Variants in PCSK5 observed in about 807,000 individuals in gnomAD.
PCSK5 encodes the protein proprotein convertase subtilisin/kexin type 5.
A neutral mutation model predicts 233.2 loss-of-function variants in PCSK5; 129 were observed. The observed-to-expected ratio is 0.55, with a 90% CI of 0.48 to 0.64. The LOEUF is 0.64. Among genes scored for constraint, PCSK5 ranks in the 30% least tolerant of loss-of-function variants. PCSK5 has a pLI of 0.00. For missense variants in PCSK5, 2,076 were observed against 2,430.1 expected (o/e 0.85, Z 3.06); for synonymous variants, 825 against 879.2 (o/e 0.94, Z 1.09).
At position 75,891,029 on chromosome 9, in the gene PCSK5, C is replaced by T; in HGVS notation, c.-153C>T. 1.9e-6 allele frequency: 1 copy of T among 535,056 alleles called. No individual in the cohort carries two copies. Among genetic ancestry groups the T allele is most frequent in the Non-Finnish European group, 3.0e-6 (1 of 335,810 alleles). 33.1% of individuals were successfully genotyped at this position (535,056 alleles called of 1,614,324 possible). On this transcript the variant is annotated 5_prime_UTR_variant, in exon 1 of 38. Coordinates refer to ENST00000674117, the MANE Select transcript of PCSK5 (RefSeq NM_001372043.1). ...TAAGGCTCGCTGCTCTGCTCCCTGCCGGGGCTAGCCGCCTCCTGCCGATCG... is the reference window on the plus strand; with the variant it reads ...TAAGGCTCGCTGCTCTGCTCCCTGCTGGGGCTAGCCGCCTCCTGCCGATCG...
chr9:76,307,841 A>AC (rs1828748349), intron 28 of PCSK5, among the ~76,000 whole-genome samples: 1 of 152,142 alleles, frequency 6.6e-6, no homozygotes, highest in African/African-American at 2.4e-5. Flanking sequence ...AGAAAAAAAA[A>AC]AGAAAAGAAG....
intron 3 of PCSK5, among the ~76,000 whole-genome samples, chr9:76,003,799 ATC>A (rs1182611088): frequency 2.0e-5 from 3 of 147,294 alleles, no homozygotes; most frequent in African/African-American, 2.5e-5. Context: ...TATTTATTCC[ATC>A]TCTCTCTCTT....
chr9:76,036,617 A>G (rs1828869931), intron 5 of PCSK5, among the ~76,000 whole-genome samples: 1 of 152,210 alleles, frequency 6.6e-6, no homozygotes, highest in Non-Finnish European at 1.5e-5. Context: ...ACTCTATTTG[A>G]GTGCAATGTA....
At chr9:75,999,125 T>C (rs1416126769) in intron 3 of PCSK5, among the ~76,000 whole-genome samples, 1 of 152,132 alleles carries the variant, frequency 6.6e-6, no homozygotes, top group Admixed American at 6.5e-5. Context: ...GTTTGTTACA[T>C]AGGTATACAT....
intron 7 of PCSK5, among the ~76,000 whole-genome samples, chr9:76,074,555 G>A (rs548602753): frequency 1.3e-5 from 2 of 152,256 alleles, no homozygotes; most frequent in South Asian, 2.1e-4. Context: ...CAAGAAGATC[G>A]TGTTTTCATG....
chr9:76,320,523 CAGTGG>C (rs76850841), intron 30 of PCSK5, among the ~76,000 whole-genome samples: 47,154 of 128,296 alleles, frequency 0.37, 8,626 homozygotes, highest in Middle Eastern at 0.46. Flanking sequence ...GGCTGGAGTG[CAGTGG>C]AGTGGCACAA....
At chr9:76,094,952 G>A (rs995613774) in intron 7 of PCSK5, among the ~76,000 whole-genome samples, 1 of 152,178 alleles carries the variant, frequency 6.6e-6, no homozygotes, top group African/African-American at 2.4e-5. Flanking sequence ...GCTTTGGCAT[G>A]AAGAATGTGA....
At chr9:75,962,870 C>T (rs373309582) in intron 2 of PCSK5, among the ~76,000 whole-genome samples, 22 of 152,312 alleles carry the variant, frequency 1.4e-4, no homozygotes, top group African/African-American at 5.3e-4. Flanking sequence ...GAGCTGGTCC[C>T]CTCTTGCTTC....
chr9:76,336,368 C>G (rs569278941), intron 34 of PCSK5, among the ~76,000 whole-genome samples: 1 of 152,148 alleles, frequency 6.6e-6, no homozygotes, highest in South Asian at 2.1e-4. Context: ...CAAAGATGAA[C>G]CTTTAGGTTT....
chr9:76,300,937 C>T (rs559913801), intron 27 of PCSK5, among the ~76,000 whole-genome samples: 93 of 152,270 alleles, frequency 6.1e-4, no homozygotes, highest in African/African-American at 2.2e-3. Flanking sequence ...ACTTGAAACA[C>T]CAGTTTGCTT....
chr9:76,326,097 G>A (rs528132592), intron 32 of PCSK5, among the ~76,000 whole-genome samples: 30 of 152,138 alleles, frequency 2.0e-4, no homozygotes, highest in African/African-American at 3.6e-4. Context: ...AATCTCAGCC[G>A]GACACGGTGG....
intron 9 of PCSK5, among the ~76,000 whole-genome samples, chr9:76,115,548 G>C (rs1372265288): frequency 6.6e-6 from 1 of 152,022 alleles, no homozygotes; most frequent in Non-Finnish European, 1.5e-5. Context: ...AGTCTCTTGA[G>C]GGTTTGTGGA....
chr9:75,926,790 C>A (rs564089094), intron 1 of PCSK5, among the ~76,000 whole-genome samples: 1 of 151,944 alleles, frequency 6.6e-6, no homozygotes, highest in Non-Finnish European at 1.5e-5. Flanking sequence ...TATTATATGC[C>A]GTATGATCTT....
intron 37 of PCSK5, among the ~76,000 whole-genome samples, chr9:76,357,778 G>A (rs1272102807): frequency 6.6e-6 from 1 of 152,144 alleles, no homozygotes; most frequent in African/African-American, 2.4e-5. Context: ...ATGGACTTTA[G>A]TTTCCTCAAA....
chr9:76,061,469 A>C (rs1041218445), intron 5 of PCSK5, among the ~76,000 whole-genome samples: 1 of 152,200 alleles, frequency 6.6e-6, no homozygotes, highest in Non-Finnish European at 1.5e-5. Flanking sequence ...CTTGTGGTTC[A>C]GTAGCACTGG....
At chr9:76,251,228 C>G (rs1229525520) in intron 24 of PCSK5, among the ~76,000 whole-genome samples, 1 of 152,058 alleles carries the variant, frequency 6.6e-6, no homozygotes, top group Admixed American at 6.6e-5. Flanking sequence ...GATCACGCCA[C>G]TGCACTCTAG....
At chr9:75,946,956 T>C (rs1000790178) in intron 2 of PCSK5, among the ~76,000 whole-genome samples, 3 of 152,234 alleles carry the variant, frequency 2.0e-5, no homozygotes, top group Non-Finnish European at 4.4e-5. Context: ...AAGGCTAATT[T>C]TGCAGATGGA....
intron 20 of PCSK5, chr9:76,194,754 G>A: frequency 2.1e-6 from 1 of 467,004 alleles, no homozygotes; most frequent in Non-Finnish European, 4.4e-6. Context: ...CTCTGTTTAG[G>A]GGAGCCTAGA....
chr9:76,014,929 T>C (rs1827884026), intron 3 of PCSK5, among the ~76,000 whole-genome samples: 1 of 152,170 alleles, frequency 6.6e-6, no homozygotes, highest in Admixed American at 6.5e-5. Flanking sequence ...TTGTATTATC[T>C]GTATTATATA....
Sources: gnomAD v4.1 joint callset for allele counts (sites outside exome capture counted in the v4.1 genomes callset) on GRCh38, gnomAD v4.1.1 for gene constraint, MANE v1.5 for transcripts, NCBI Gene and HGNC (gene_info 2026-07-23, HGNC 2026-07-21) for gene names.